The following MRPS27 variants were observed in gnomAD, a reference collection of about 807,000 sequenced individuals.
MRPS27 encodes small ribosomal subunit protein mS27.
A neutral mutation model predicts 48.9 loss-of-function variants in MRPS27; 43 were observed. That is an observed-to-expected ratio of 0.88 (90% CI 0.69 to 1.13). MRPS27 has a LOEUF of 1.13. Among genes scored for constraint, MRPS27 ranks in the 50% most tolerant of loss-of-function variants. The pLI is 0.00. For synonymous variants in MRPS27, 188 were observed against 171.9 expected (o/e 1.09, Z -0.73); for missense variants, 467 against 476.3 (o/e 0.98, Z 0.18).
At chr5:72,286,549 T>G (rs1307690144) in intron 4 of MRPS27, among the ~76,000 whole-genome samples, 2 of 151,842 alleles carry the variant, frequency 1.3e-5, no homozygotes, top group African/African-American at 4.8e-5. Context: ...AAATTAGCTT[T>G]GATCTTTACC....
At position 72,244,654 on chromosome 5, in the gene MRPS27, G is replaced by A. The variant is rs559846500; in HGVS notation, c.282-6526C>T. On this transcript the variant is annotated intron_variant, in intron 4 of 10. Transcript: ENST00000261413. Reference sequence around the variant, plus strand: ...TGGTGATCTATATTCTTTACCCACTGATCTACTAATTTCCTTTAATTCCAA... The same window carrying A: ...TGGTGATCTATATTCTTTACCCACTAATCTACTAATTTCCTTTAATTCCAA... Among the ~76,000 whole-genome samples, 4 of 151,956 alleles carry A rather than the reference G, an allele frequency of 2.6e-5. No homozygotes were observed. The South Asian group carries it at 8.3e-4, about 32-fold the overall frequency.
chr5:72,266,592 G>A (rs2112010355), intron 4 of MRPS27, among the ~76,000 whole-genome samples: 1 of 152,330 alleles, frequency 6.6e-6, no homozygotes, highest in South Asian at 2.1e-4. Flanking sequence ...GGGCGTGGTG[G>A]CTCACGCCTG....
intron 4 of MRPS27, among the ~76,000 whole-genome samples, chr5:72,248,669 T>TAAAAAAAAA (rs36063387): frequency 1.4e-5 from 1 of 70,292 alleles, no homozygotes; most frequent in Admixed American, 1.8e-4. Flanking sequence ...CATTTTCATT[T>TAAAAAAAAA]AAAAAAAAAA....
chr5:72,283,710 T>C (rs1749589353), intron 4 of MRPS27, among the ~76,000 whole-genome samples: 1 of 152,100 alleles, frequency 6.6e-6, no homozygotes, highest in African/African-American at 2.4e-5. Context: ...TCCAGCAAGC[T>C]TAGAAAGAAA....
chr5:72,266,254 G>A (rs1018168829), intron 4 of MRPS27, among the ~76,000 whole-genome samples: 1 of 152,128 alleles, frequency 6.6e-6, no homozygotes, highest in African/African-American at 2.4e-5. Context: ...ATTCTCAAAG[G>A]CCTCCTTCTC....
chr5:72,293,136 A>T (rs1183514921), intron 4 of MRPS27, among the ~76,000 whole-genome samples: 2 of 152,238 alleles, frequency 1.3e-5, no homozygotes, highest in African/African-American at 4.8e-5. Context: ...CTAAGGCATA[A>T]GTATGTTCTG....
intron 4 of MRPS27, among the ~76,000 whole-genome samples, chr5:72,265,122 G>A (rs943332337): frequency 6.6e-6 from 1 of 152,198 alleles, no homozygotes; most frequent in African/African-American, 2.4e-5. Flanking sequence ...AACATTTATT[G>A]TCTTTTTAAG....
chr5:72,307,217 T>C (rs1312835754), intron 2 of MRPS27, among the ~76,000 whole-genome samples: 1 of 152,036 alleles, frequency 6.6e-6, no homozygotes, highest in Non-Finnish European at 1.5e-5. Context: ...CCGGGCATGG[T>C]GGCGGGCGCC....
At chr5:72,259,958 C>T (rs1345389141) in intron 4 of MRPS27, among the ~76,000 whole-genome samples, 2 of 150,476 alleles carry the variant, frequency 1.3e-5, no homozygotes, top group Non-Finnish European at 2.9e-5. Flanking sequence ...GGATGGACAT[C>T]GTTCATAGTG....
At chr5:72,313,826 C>CA (rs1472046415) in intron 2 of MRPS27, among the ~76,000 whole-genome samples, 10 of 151,922 alleles carry the variant, frequency 6.6e-5, no homozygotes, top group African/African-American at 2.4e-4. Context: ...TAAAAATGGA[C>CA]AAAAAACAGA....
intron 4 of MRPS27, among the ~76,000 whole-genome samples, chr5:72,272,455 A>C (rs1346277483): frequency 6.6e-6 from 1 of 152,250 alleles, no homozygotes; most frequent in Non-Finnish European, 1.5e-5. Context: ...GGATGCCTAC[A>C]TGACCAGCTC....
At chr5:72,302,122 C>T (rs1401070679) in intron 2 of MRPS27, among the ~76,000 whole-genome samples, 3 of 152,202 alleles carry the variant, frequency 2.0e-5, no homozygotes, top group Admixed American at 2.0e-4. Flanking sequence ...TGAAGCTAGA[C>T]AGACAATGTG....
chr5:72,290,831 T>C (rs1367450055), intron 4 of MRPS27, among the ~76,000 whole-genome samples: 3 of 152,238 alleles, frequency 2.0e-5, no homozygotes, highest in Non-Finnish European at 4.4e-5. Context: ...TGCAGTCTTT[T>C]TATGCCCACT....
intron 4 of MRPS27, among the ~76,000 whole-genome samples, chr5:72,270,898 G>T (rs1471130066): frequency 6.6e-6 from 1 of 152,094 alleles, no homozygotes; most frequent in African/African-American, 2.4e-5. Flanking sequence ...TCATGTAATT[G>T]TCTATATTTG....
intron 2 of MRPS27, among the ~76,000 whole-genome samples, chr5:72,308,991 C>T (rs955881220): frequency 6.6e-6 from 1 of 152,148 alleles, no homozygotes; most frequent in Admixed American, 6.5e-5. Context: ...AGCTGAAAGC[C>T]GCAGAACTGG....
chr5:72,259,532 CTT>C (rs1364481497), intron 4 of MRPS27, among the ~76,000 whole-genome samples: 33 of 150,276 alleles, frequency 2.2e-4, no homozygotes, highest in Middle Eastern at 7.0e-3. Flanking sequence ...ATTTGAAAAT[CTT>C]TTTTAAATTG....
At chr5:72,288,538 A>G (rs2112046951) in intron 4 of MRPS27, among the ~76,000 whole-genome samples, 1 of 152,316 alleles carries the variant, frequency 6.6e-6, no homozygotes, top group East Asian at 1.9e-4. Flanking sequence ...AATCCTTATC[A>G]CAAAGCTCCC....
At chr5:72,298,231 G>A (rs546288401) in intron 2 of MRPS27, among the ~76,000 whole-genome samples, 1 of 152,160 alleles carries the variant, frequency 6.6e-6, no homozygotes, top group Non-Finnish European at 1.5e-5. Flanking sequence ...GACATGAACA[G>A]ATACTTCTCA....
chr5:72,232,585 G>C (rs894672799), intron 6 of MRPS27, 27 bp from the exon 7 acceptor site: 1 of 1,486,380 alleles, frequency 6.7e-7, no homozygotes, highest in Non-Finnish European at 9.4e-7. Context: ...GTAAAAAAGA[G>C]AGGAAATTAG....
Sources: allele counts gnomAD v4.1 joint callset (sites outside exome capture counted in the v4.1 genomes callset), GRCh38; gene constraint gnomAD v4.1.1; transcripts MANE v1.5; gene names NCBI Gene and HGNC (gene_info 2026-07-23, HGNC 2026-07-21).